PCDHA10: variants seen among roughly 807,000 people sequenced by gnomAD.
The protein encoded by PCDHA10 is protocadherin alpha-10.
In PCDHA10, 45 loss-of-function variants were observed where a neutral mutation model predicts 61.2. The observed-to-expected ratio is 0.74, with a 90% CI of 0.58 to 0.94. The LOEUF is 0.94. Among genes scored for constraint, PCDHA10 ranks in the 40% least tolerant of loss-of-function variants. The probability of loss-of-function intolerance (pLI) is 0.00; values close to 1 mark genes in which losing one functional copy is unlikely to be tolerated. For missense variants in PCDHA10, 1,278 were observed against 1,236.2 expected (o/e 1.03, Z -0.51); for synonymous variants, 602 against 548.8 (o/e 1.10, Z -1.35).
intron 1 of PCDHA10, among the ~76,000 whole-genome samples, chr5:140,872,927 T>A (rs1020178513): frequency 3.9e-5 from 6 of 152,216 alleles, no homozygotes; most frequent in African/African-American, 1.4e-4. Flanking sequence ...TTATCTCTAA[T>A]GTTTTTGAAA....
At chr5:140,922,336 A>G (rs1554200779) in intron 1 of PCDHA10, among the ~76,000 whole-genome samples, 2 of 152,226 alleles carry the variant, frequency 1.3e-5, no homozygotes, top group African/African-American at 4.8e-5. Context: ...GGGTTGGTAT[A>G]TTGGTATTTT....
intron 1 of PCDHA10, among the ~76,000 whole-genome samples, chr5:140,914,080 T>G (rs2076596374): frequency 6.6e-6 from 1 of 152,222 alleles, no homozygotes; most frequent in African/African-American, 2.4e-5. Flanking sequence ...TAACTATCTA[T>G]TAGGTCAATT....
intron 1 of PCDHA10, among the ~76,000 whole-genome samples, chr5:140,925,729 A>AAATATTTACAGAAAG (rs1334705925): frequency 8.6e-5 from 13 of 151,770 alleles, no homozygotes; most frequent in African/African-American, 2.9e-4. Context: ...GGTGTTTTCT[A>AAATATTTACAGAAAG]AATATTTACA....
At chr5:141,003,173 G>A (rs782452600) in intron 3 of PCDHA10, among the ~76,000 whole-genome samples, 6 of 152,174 alleles carry the variant, frequency 3.9e-5, no homozygotes, top group Non-Finnish European at 5.9e-5. Context: ...AGTCCCTGAG[G>A]CTCAACTCCA....
chr5:141,010,201 C>A lies in PCDHA10; in HGVS notation c.*264C>A, dbSNP rs782495760. On this transcript the variant is annotated 3_prime_UTR_variant, in exon 4 of 4. Transcript: ENST00000307360. ...GCAGACCCAAGTTTCCTTTCTCCTC[C>A]GCCGCAAAGGAGAGGCTTCCCAGCC... 5.0e-5 allele frequency: 77 copies of A among 1,551,916 alleles called. No individual in the cohort carries two copies. The highest frequency in any genetic ancestry group is 6.1e-5 in the Non-Finnish European group (70 of 1,147,084).
intron 1 of PCDHA10, among the ~76,000 whole-genome samples, chr5:140,916,747 G>T (rs1445361224): frequency 2.6e-5 from 4 of 152,220 alleles, no homozygotes; most frequent in African/African-American, 9.6e-5. Context: ...TTCACTGCCT[G>T]GGATTAGGGG....
intron 1 of PCDHA10, among the ~76,000 whole-genome samples, chr5:140,941,227 CTT>C (rs797022976): frequency 1.5e-5 from 2 of 136,000 alleles, no homozygotes; most frequent in Admixed American, 7.7e-5. Context: ...TTCTTTCTTT[CTT>C]TCTTTCTTTC....
intron 1 of PCDHA10, among the ~76,000 whole-genome samples, chr5:140,924,235 G>C (rs1320085802): frequency 6.6e-6 from 1 of 152,208 alleles, no homozygotes; most frequent in Non-Finnish European, 1.5e-5. Flanking sequence ...TTTATGGGCT[G>C]TTTTGCATCC....
intron 1 of PCDHA10, chr5:140,859,810 TGC>T (rs2046025948): frequency 6.6e-6 from 1 of 152,488 alleles, no homozygotes. Context: ...GCTAAGTTAA[TGC>T]AGAGTTTAGA....
chr5:140,951,176 A>G (rs1392502599), intron 1 of PCDHA10, among the ~76,000 whole-genome samples: 1 of 151,676 alleles, frequency 6.6e-6, no homozygotes, highest in Non-Finnish European at 1.5e-5. Context: ...CTTTAAAGTC[A>G]TTGTCCGCTA....
intron 1 of PCDHA10, chr5:140,927,933 C>T (rs1273187123): frequency 1.9e-6 from 3 of 1,614,090 alleles, no homozygotes; most frequent in African/African-American, 2.7e-5. Context: ...CTCTTTCGAA[C>T]CCAGTACCTG....
chr5:140,872,610 T>G (rs1270918795), intron 1 of PCDHA10, among the ~76,000 whole-genome samples: 3 of 152,146 alleles, frequency 2.0e-5, no homozygotes, highest in Non-Finnish European at 4.4e-5. Flanking sequence ...AAAATAATTT[T>G]TTTTGCCTGT....
chr5:141,000,603 T>C (rs1237883625), intron 3 of PCDHA10, among the ~76,000 whole-genome samples: 1 of 150,986 alleles, frequency 6.6e-6, no homozygotes, highest in Admixed American at 6.6e-5. Flanking sequence ...AATTTTTGTA[T>C]TTTTAGTAGA....
intron 1 of PCDHA10, chr5:140,863,088 C>T: frequency 1.7e-6 from 1 of 574,660 alleles, no homozygotes; most frequent in Non-Finnish European, 3.4e-6. Flanking sequence ...GCGAGATCAG[C>T]ACGACGAGTA....
At chr5:140,871,840 C>G (rs1214510248) in intron 1 of PCDHA10, among the ~76,000 whole-genome samples, 1 of 152,256 alleles carries the variant, frequency 6.6e-6, no homozygotes, top group Admixed American at 6.5e-5. Context: ...CTCTAAACTT[C>G]AATTATGACC....
chr5:140,883,546 C>T (rs782071318), intron 1 of PCDHA10: 3 of 1,614,200 alleles, frequency 1.9e-6, no homozygotes, highest in Non-Finnish European at 1.7e-6. Flanking sequence ...TGGTGGTGAC[C>T]GCGCGGGACG....
intron 1 of PCDHA10, chr5:140,865,657 A>C (rs2048950943): frequency 6.6e-6 from 1 of 152,200 alleles, no homozygotes; most frequent in Admixed American, 6.5e-5. Flanking sequence ...ATTTCATTTA[A>C]TACTTATAAC....
chr5:140,926,034 G>A (rs782564671), intron 1 of PCDHA10, among the ~76,000 whole-genome samples: 1 of 152,158 alleles, frequency 6.6e-6, no homozygotes, highest in Non-Finnish European at 1.5e-5. Context: ...GTTTGATGCG[G>A]ACACTATTCC....
At chr5:140,999,836 A>G (rs1554257003) in intron 3 of PCDHA10, among the ~76,000 whole-genome samples, 1 of 152,210 alleles carries the variant, frequency 6.6e-6, no homozygotes, top group African/African-American at 2.4e-5. Flanking sequence ...AAAATATGCC[A>G]AGTGTATTTA....
Sources: allele counts gnomAD v4.1 joint callset (sites outside exome capture counted in the v4.1 genomes callset), GRCh38; gene constraint gnomAD v4.1.1; transcripts MANE v1.5; gene names NCBI Gene and HGNC (gene_info 2026-07-23, HGNC 2026-07-21).